Variants in PCSK2 observed in about 807,000 individuals in gnomAD.
PCSK2 encodes neuroendocrine convertase 2.
Under a neutral mutation model 69.7 loss-of-function variants are expected in PCSK2, and 14 were observed. The ratio of observed to expected loss-of-function variants is 0.20; its 90% CI spans 0.13 to 0.31. The LOEUF is 0.31. Ranked by LOEUF, PCSK2 falls within the 10% of genes least tolerant of loss-of-function variation. PCSK2 has a pLI of 1.00. For missense variants in PCSK2, 544 were observed against 842.5 expected (o/e 0.65, Z 4.39); for synonymous variants, 307 against 320.7 (o/e 0.96, Z 0.46).
intron 4 of PCSK2, among the ~76,000 whole-genome samples, chr20:17,366,871 C>T (rs2123226040): frequency 6.6e-6 from 1 of 152,198 alleles, no homozygotes; most frequent in African/African-American, 2.4e-5. Context: ...TATCTTCTTG[C>T]TCCAGTATTT....
intron 2 of PCSK2, among the ~76,000 whole-genome samples, chr20:17,303,022 A>G (rs183720051): frequency 5.9e-5 from 9 of 151,896 alleles, no homozygotes; most frequent in East Asian, 5.8e-4. Context: ...TAATAAATCT[A>G]TAATCCATTT....
intron 5 of PCSK2, among the ~76,000 whole-genome samples, chr20:17,407,856 A>G (rs896838668): frequency 2.6e-5 from 4 of 152,190 alleles, no homozygotes; most frequent in African/African-American, 9.6e-5. Flanking sequence ...TTAAGACTCC[A>G]GGCAAATTAC....
chr20:17,454,460 C>G (rs2032882672), intron 9 of PCSK2, among the ~76,000 whole-genome samples: 1 of 152,058 alleles, frequency 6.6e-6, no homozygotes, highest in African/African-American at 2.4e-5. Context: ...TTGTGATTTT[C>G]ATCATATTTT....
At position 17,284,672 on chromosome 20, in the gene PCSK2, T is replaced by A. The variant is rs186287520; in HGVS notation, c.282+24328T>A. On this transcript the variant is annotated intron_variant, in intron 2 of 11. Transcript: ENST00000262545. ...TACTAGGTTTGTTGCCCGATGTGCATGGCAAATCAATATGCCAAGACACTG... is the reference window on the plus strand; with the variant it reads ...TACTAGGTTTGTTGCCCGATGTGCAAGGCAAATCAATATGCCAAGACACTG... Among the ~76,000 whole-genome samples, 61 of 152,310 alleles carry A rather than the reference T, an allele frequency of 4.0e-4. 1 individual carries two copies. The highest frequency in any genetic ancestry group is 1.4e-3 in the Admixed American group (21 of 15,304).
chr20:17,389,866 G>A (rs941217658), intron 5 of PCSK2, among the ~76,000 whole-genome samples: 1 of 152,270 alleles, frequency 6.6e-6, no homozygotes, highest in South Asian at 2.1e-4. Flanking sequence ...GCAGTTTCTT[G>A]TAATGTTAAA....
At chr20:17,361,940 A>G (rs988593271) in intron 4 of PCSK2, among the ~76,000 whole-genome samples, 5 of 152,204 alleles carry the variant, frequency 3.3e-5, no homozygotes, top group African/African-American at 1.2e-4. Context: ...CAGGAAAACA[A>G]TGCATCAGGA....
intron 4 of PCSK2, among the ~76,000 whole-genome samples, chr20:17,361,320 C>A (rs1210474442): frequency 1.3e-5 from 2 of 152,214 alleles, no homozygotes; most frequent in Admixed American, 6.5e-5. Flanking sequence ...TGTTATTCAA[C>A]CTGCGTGCCT....
chr20:17,479,235 A>G (rs1555798823), intron 11 of PCSK2: 1 of 1,281,462 alleles, frequency 7.8e-7, no homozygotes, highest in South Asian at 1.2e-5. Flanking sequence ...TGCACATTTC[A>G]CAATACATTT....
chr20:17,332,388 A>C (rs1600498454), intron 2 of PCSK2, among the ~76,000 whole-genome samples: 1 of 152,152 alleles, frequency 6.6e-6, no homozygotes, highest in African/African-American at 2.4e-5. Context: ...GAGGATTCTG[A>C]CAAGTAGAGA....
intron 2 of PCSK2, among the ~76,000 whole-genome samples, chr20:17,263,328 GA>G (rs1162832977): frequency 6.6e-6 from 1 of 152,202 alleles, no homozygotes; most frequent in African/African-American, 2.4e-5. Context: ...CAATAGCTAA[GA>G]AAACAGATTC....
At chr20:17,254,518 C>A (rs986416205) in intron 1 of PCSK2, among the ~76,000 whole-genome samples, 6 of 152,148 alleles carry the variant, frequency 3.9e-5, no homozygotes, top group Admixed American at 1.3e-4. Context: ...AGTTGATTAT[C>A]ATAAATTATT....
intron 1 of PCSK2, among the ~76,000 whole-genome samples, chr20:17,249,427 A>C (rs142757485): frequency 0.033 from 5,051 of 151,452 alleles, 136 homozygotes; most frequent in South Asian, 0.11. Context: ...GAATGGCGTT[A>C]ACCTGGGAGG....
chr20:17,231,675 T>A (rs1006215585), intron 1 of PCSK2, among the ~76,000 whole-genome samples: 8 of 152,222 alleles, frequency 5.3e-5, no homozygotes, highest in African/African-American at 1.9e-4. Context: ...ACAAGTTTGT[T>A]ATTTCACAGT....
upstream of PCSK2, among the ~76,000 whole-genome samples, chr20:17,226,533 AAGAGAG>A (rs11471406): frequency 3.5e-4 from 51 of 146,890 alleles, no homozygotes; most frequent in Non-Finnish European, 4.7e-4. Flanking sequence ...GAGAGAGAGA[AAGAGAG>A]AGAGAGAGAG....
At chr20:17,249,310 T>C (rs1032922694) in intron 1 of PCSK2, among the ~76,000 whole-genome samples, 2 of 151,838 alleles carry the variant, frequency 1.3e-5, no homozygotes. Context: ...ATCGAGACCA[T>C]CCTGGCTAAC....
intron 1 of PCSK2, among the ~76,000 whole-genome samples, chr20:17,238,550 TTGTTGC>T (rs1986430221): frequency 6.6e-6 from 1 of 152,164 alleles, no homozygotes; most frequent in Non-Finnish European, 1.5e-5. Flanking sequence ...CATTTGAGCC[TTGTTGC>T]TCATTGGCGG....
intron 5 of PCSK2, among the ~76,000 whole-genome samples, chr20:17,371,906 C>T (rs2030775929): frequency 6.6e-6 from 1 of 152,010 alleles, no homozygotes; most frequent in Non-Finnish European, 1.5e-5. Flanking sequence ...GGACTCCAAG[C>T]CATACCATGC....
chr20:17,325,011 C>T (rs1461078330), intron 2 of PCSK2, among the ~76,000 whole-genome samples: 1 of 152,156 alleles, frequency 6.6e-6, no homozygotes, highest in African/African-American at 2.4e-5. Context: ...TCTGCCCAGT[C>T]AAACTCCTCT....
chr20:17,475,343 A>T (rs1213295566), intron 11 of PCSK2, among the ~76,000 whole-genome samples: 1 of 151,786 alleles, frequency 6.6e-6, no homozygotes, highest in African/African-American at 2.4e-5. Context: ...AGGGAAGGGG[A>T]TCTGAATGAG....
Sources: gnomAD v4.1 joint callset for allele counts (sites outside exome capture counted in the v4.1 genomes callset) on GRCh38, gnomAD v4.1.1 for gene constraint, MANE v1.5 for transcripts, NCBI Gene and HGNC (gene_info 2026-07-23, HGNC 2026-07-21) for gene names.